Variants in PTK6 observed in about 807,000 individuals in gnomAD.
PTK6 encodes protein-tyrosine kinase 6.
PTK6 carries 47 observed loss-of-function variants against 47.5 expected under a neutral mutation model. The ratio of observed to expected loss-of-function variants is 0.99; its 90% CI spans 0.78 to 1.26. PTK6 has a LOEUF of 1.26. Among genes scored for constraint, PTK6 ranks in the 50% most tolerant of loss-of-function variants. PTK6 has a pLI of 0.00. For missense variants in PTK6, 618 were observed against 625.3 expected, an observed-to-expected ratio of 0.99 and a Z score of 0.12; for synonymous variants, 287 against 276.5, an observed-to-expected ratio of 1.04 and a Z score of -0.38.
At chr20:63,531,416 G>A (rs1263715754) in intron 5 of PTK6, among the ~76,000 whole-genome samples, 7 of 78,050 alleles carry the variant, frequency 9.0e-5, no homozygotes, top group African/African-American at 4.4e-4. Context: ...GCCAGACTCC[G>A]TCTCAAAAAA....
chr20:63,529,694 C>T lies in PTK6; in HGVS notation c.1198G>A (p.Val400Met). 1 of 1,546,592 alleles carries T rather than the reference C, an allele frequency of 6.5e-7. No individual in the cohort carries two copies. Residue 400 changes from valine (V) to methionine (M), a missense_variant, in exon 8 of 8, where the codon GTG (valine) becomes ATG (methionine). By Grantham distance (21) the Val-to-Met change is conservative. Transcript: ENST00000542869. The surrounding 1 kb of genome is among the most constrained non-coding windows in gnomAD (Gnocchi z 5.6). ...CAGGGCATGCGGTAGCCGGCGTCCA[C>T]CCTCAGGAAGGCCTCATGGTTGGAC... is the stretch of plus-strand genomic sequence containing the variant. ...GMSNHEAFLRVDAGYRMPCPL... is the reference protein window; with the variant it reads ...GMSNHEAFLRMDAGYRMPCPL...
Position 63,532,478 on chromosome 20 carries a change from C to T in PTK6, c.832+48G>A, listed in dbSNP as rs770431170. The T allele has an allele frequency of 8.3e-6, 13 of 1,564,392 alleles. 1 individual carries two copies. In the East Asian group the frequency reaches 2.3e-4, roughly 27 times the overall value. Reference sequence around the variant, plus strand: ...GGGGGGGGTGTGCACTTTATTTCCTCACGTGCCCCCGCTGCCTCCAGCAAG... The same window carrying T: ...GGGGGGGGTGTGCACTTTATTTCCTTACGTGCCCCCGCTGCCTCCAGCAAG... On this transcript the variant is annotated intron_variant, in intron 5 of 7. Coordinates refer to ENST00000542869, the MANE Select transcript of PTK6 (RefSeq NM_005975.4).
rs1308411338 is a variant in PTK6, at chr20:63,533,824, G to A, written c.517-120C>T. 2 of 1,378,574 alleles carry A rather than the reference G, an allele frequency of 1.5e-6. No homozygotes were observed. The highest frequency in any genetic ancestry group is 2.4e-5 in the East Asian group (1 of 41,568). The allele number at this position is 1,378,574 out of a possible 1,614,324, so 85.4% of individuals were successfully genotyped here. ...TAGGGCCACGATCAGCCTGGGTTGG[G>A]GGTTTCTGAGTGTCTGACACAAGGG... On this transcript the variant is annotated intron_variant, in intron 3 of 7. Transcript: ENST00000542869. This position sits in a 1 kb window ranked among gnomAD's most constrained non-coding sequence, Gnocchi z 4.0.
rs1408435820 is a variant in PTK6, at chr20:63,532,167, G to GTGTGTGTC, written c.832+358_832+359insGACACACA. 3.3e-3 allele frequency among the ~76,000 whole-genome samples: 482 copies of GTGTGTGTC among 145,458 alleles called. 1 individual carries two copies. The highest frequency in any genetic ancestry group is 0.013 in the African/African-American group (462 of 35,464). On this transcript the variant is annotated intron_variant, in intron 5 of 7. Transcript: ENST00000542869. ...TGTCTGGATCAGTGTGTGTCTGTGT[G>GTGTGTGTC]TGTGTGTGTCTGTGTGTGTCCGTGT... is the stretch of plus-strand genomic sequence containing the variant.
At chr20:63,532,456 G>T in intron 5 of PTK6, 70 bp downstream of exon 5, 2 of 1,514,522 alleles carry the variant, frequency 1.3e-6, no homozygotes, top group East Asian at 2.3e-5. Flanking sequence ...GACGTGGGGG[G>T]GGGGTGTGCA....
In PTK6 at chr20:63,536,266, G is replaced by A. The variant is rs866886912; in HGVS notation, c.230+819C>T. ...TGCACCTGGGAGCTGACCAGCCTCC[G>A]GCCAGACCCCACCCCTGCACCCCTG... is the stretch of plus-strand genomic sequence containing the variant. On this transcript the variant is annotated intron_variant, in intron 1 of 7. Transcript: ENST00000542869. Among the ~76,000 whole-genome samples, 19 of 130,894 alleles carry A rather than the reference G, an allele frequency of 1.5e-4. No individual in the cohort carries two copies. In the South Asian group the frequency reaches 2.2e-3, roughly 15 times the overall value. The allele number at this position is 130,894 out of a possible 152,430, so 85.9% of individuals were successfully genotyped here.
At position 63,529,968 on chromosome 20, in the gene PTK6, C is replaced by T. The variant is rs571732597; in HGVS notation, c.1168+110G>A. The stretch of plus-strand genomic sequence containing the variant: ...GGTGTGGAGTTCAGGCGATGGCCCG[C>T]GGAGGGCCCTGAAGCCCGTGGGGGA... On this transcript the variant is annotated intron_variant, in intron 7 of 7. Transcript: ENST00000542869. This position sits in a 1 kb window ranked among gnomAD's most constrained non-coding sequence, Gnocchi z 5.6. 153 of 1,374,492 alleles carry T rather than the reference C, an allele frequency of 1.1e-4. 1 individual carries two copies. The East Asian group carries it at 3.3e-3, about 29-fold the overall frequency. The allele number at this position is 1,374,492 out of a possible 1,614,324, so 85.1% of individuals were successfully genotyped here.
rs755034061 is a variant in PTK6 at position 63,532,592 on chromosome 20, C to A, written c.766G>T (p.Val256Leu). 1 of 1,614,084 alleles carries A rather than the reference C, an allele frequency of 6.2e-7. No individual in the cohort carries two copies. The highest frequency in any genetic ancestry group is 8.5e-7 in the Non-Finnish European group (1 of 1,180,014). ...GTGATGATGTACACGGGGTCCCCCA[C>A]GGACACCACGGCGTACAGCGCCAGG... is the stretch of plus-strand genomic sequence containing the variant. ...HILALYAVVS[V>L]GDPVYIITEL... Residue 256 changes from valine (V) to leucine (L), a missense_variant, in exon 5 of 8, where the codon GTG becomes TTG. Physicochemically the swap from Val to Leu is conservative, Grantham distance 32. Coordinates refer to ENST00000542869, the MANE Select transcript of PTK6 (RefSeq NM_005975.4).
In PTK6 at chr20:63,530,520, C is replaced by T. The variant is rs1429641367; in HGVS notation, c.1014+226G>A. On this transcript the variant is annotated intron_variant, in intron 6 of 7. Coordinates refer to ENST00000542869, the MANE Select transcript of PTK6 (RefSeq NM_005975.4). The surrounding 1 kb of genome is among the most constrained non-coding windows in gnomAD (Gnocchi z 4.1). The stretch of plus-strand genomic sequence containing the variant: ...CAGGGCTGGGCCAGTGAACAAGGCA[C>T]GTGAACAAGGCAGCGGCTGCGTGGT... 2.0e-5 allele frequency among the ~76,000 whole-genome samples: 3 copies of T among 152,164 alleles called. No homozygotes were observed. The highest frequency in any genetic ancestry group is 2.1e-4 in the South Asian group (1 of 4,826).
chr20:63,537,269 G>C lies in PTK6; in HGVS notation c.46C>G (p.Leu16Val). Residue 16 changes from leucine to valine, a missense_variant, in exon 1 of 8, where the codon CTC becomes GTC. Leu to Val is a conservative substitution (Grantham distance 32, BLOSUM62 1). Coordinates refer to ENST00000542869, the MANE Select transcript of PTK6 (RefSeq NM_005975.4). ...QAHLGPKYVG[L>V]WDFKSRTDEE... is the part of the protein sequence containing the mutation. ...TCCGTCCGGGACTTGAAGTCCCAGA[G>C]GCCCACATACTTGGGGCCCAGGTGA... 6.2e-7 allele frequency: 1 copy of C among 1,612,336 alleles called. No homozygotes were observed. Among genetic ancestry groups the C allele is most frequent in the Non-Finnish European group, 8.5e-7 (1 of 1,179,806 alleles).
chr20:63,533,272 T>G lies in PTK6; in HGVS notation c.670+279A>C, dbSNP rs991095245. On this transcript the variant is annotated intron_variant, in intron 4 of 7. Coordinates refer to ENST00000542869, the MANE Select transcript of PTK6 (RefSeq NM_005975.4). This position sits in a 1 kb window ranked among gnomAD's most constrained non-coding sequence, Gnocchi z 4.0. ...TAGTAGAGACGTGGTTTCCCCATGT[T>G]GGCCAGGCTGGTCTCAAACTCCTGA... Among the ~76,000 whole-genome samples, 4 of 152,196 alleles carry G rather than the reference T, an allele frequency of 2.6e-5. No individual in the cohort carries two copies. Among genetic ancestry groups the G allele is most frequent in the African/African-American group, 9.7e-5 (4 of 41,428 alleles).
chr20:63,537,092 A>G lies in PTK6; in HGVS notation c.223T>C (p.Ser75Pro). The G allele has an allele frequency of 1.2e-6, 2 of 1,608,314 alleles. No individual in the cohort carries two copies. Among genetic ancestry groups the G allele is most frequent in the East Asian group, 2.2e-5 (1 of 44,538 alleles). Residue 75 changes from serine (S) to proline (P), a missense_variant, in exon 1 of 8, where the codon TCG (serine) becomes CCG (proline). Transcript: ENST00000542869. ...GCAGCCTAGGACACGCACGGTTCCG[A>G]CTCCACCGTCTCCCTCTCGGCCAGG... ...NYLAERETVE[S>P]EPWFFGCISR...
In PTK6 at chr20:63,529,248, T is replaced by C. The variant is rs1409335287; in HGVS notation, c.*288A>G. The C allele has an allele frequency of 3.5e-6, 1 of 289,710 alleles. No homozygotes were observed. The highest frequency in any genetic ancestry group is 6.4e-6 in the Non-Finnish European group (1 of 155,588). The allele number at this position is 289,710 out of a possible 1,614,324, so 17.9% of individuals were successfully genotyped here. On this transcript the variant is annotated 3_prime_UTR_variant, in exon 8 of 8. Coordinates refer to ENST00000542869, the MANE Select transcript of PTK6 (RefSeq NM_005975.4). This position sits in a 1 kb window ranked among gnomAD's most constrained non-coding sequence, Gnocchi z 5.6. ...AGACAGACAGCCAGAGAGCGGGCTG[T>C]GGTCAGAGTCCCCTCTGACCTCTGC...
Position 63,533,427 on chromosome 20 carries a change from C to T in PTK6, c.670+124G>A. The T allele has an allele frequency of 8.6e-7, 1 of 1,160,148 alleles. No homozygotes were observed. Among genetic ancestry groups the T allele is most frequent in the Non-Finnish European group, 1.2e-6 (1 of 858,150 alleles). The allele number at this position is 1,160,148 out of a possible 1,614,324, so 71.9% of individuals were successfully genotyped here. A position where few individuals can be genotyped will look rare whatever the true frequency, so the allele number is the denominator to read the frequency against. On this transcript the variant is annotated intron_variant, in intron 4 of 7. Coordinates refer to ENST00000542869, the MANE Select transcript of PTK6 (RefSeq NM_005975.4). This position sits in a 1 kb window ranked among gnomAD's most constrained non-coding sequence, Gnocchi z 4.0. ...AACATAGGTGCAATTGAAAGGGAAC[C>T]ACTCTCGCATGGACGCTGTGGGTGC...
chr20:63,533,507 G>A lies in PTK6; in HGVS notation c.670+44C>T. The A allele has an allele frequency of 6.5e-7, 1 of 1,533,994 alleles. No homozygotes were observed. Among genetic ancestry groups the A allele is most frequent in the South Asian group, 1.3e-5 (1 of 79,508 alleles). On this transcript the variant is annotated intron_variant, in intron 4 of 7. Transcript: ENST00000542869. The surrounding 1 kb of genome is among the most constrained non-coding windows in gnomAD (Gnocchi z 4.0). Reference sequence around the variant, plus strand: ...TTGGCGGGGTGGGAGGGTGGCCCAGGGCAGGCACGGGGCCACACAGAGCCC... The same window carrying A: ...TTGGCGGGGTGGGAGGGTGGCCCAGAGCAGGCACGGGGCCACACAGAGCCC...
intron 2 of PTK6, 144 bp from the exon 3 acceptor site, chr20:63,534,459 C>T (rs2082648992): frequency 1.8e-6 from 2 of 1,115,876 alleles, no homozygotes; most frequent in Admixed American, 5.5e-5. Flanking sequence ...TGCCTCCCCT[C>T]CCTCAGAACG....
rs368004687 is a variant in PTK6 at position 63,537,110 on chromosome 20, C to T, written c.205G>A (p.Glu69Lys). ...GGTTCCGACTCCACCGTCTCCCTCTCGGCCAGGTAGTTGTGGGGCACATAG... is the reference window on the plus strand; with the variant it reads ...GGTTCCGACTCCACCGTCTCCCTCTTGGCCAGGTAGTTGTGGGGCACATAG... The part of the protein sequence containing the change: ...QGYVPHNYLA[E>K]RETVESEPWF... The change falls in exon 1 of 8, where the codon GAG becomes AAG. Residue 69 changes from glutamate to lysine, a missense_variant. Coordinates refer to ENST00000542869, the MANE Select transcript of PTK6 (RefSeq NM_005975.4). 1.3e-4 allele frequency: 204 copies of T among 1,610,396 alleles called. 1 individual carries two copies. The East Asian group carries it at 3.6e-3, about 28-fold the overall frequency.
Position 63,530,259 on chromosome 20 carries a change from C to T in PTK6, c.1015-28G>A, listed in dbSNP as rs190482091. 5.9e-5 allele frequency: 95 copies of T among 1,609,864 alleles called. No individual in the cohort carries two copies. The highest frequency in any genetic ancestry group is 7.9e-5 in the Non-Finnish European group (93 of 1,177,050). ...GCAATCAGCCTGGAGCTGAGTGGGC[C>T]GTGGGGGCTGCCTGTGCCCTGCCCC... On this transcript the variant is annotated intron_variant, in intron 6 of 7. Coordinates refer to ENST00000542869, the MANE Select transcript of PTK6 (RefSeq NM_005975.4). The surrounding 1 kb of genome is among the most constrained non-coding windows in gnomAD (Gnocchi z 4.1).
chr20:63,535,103 C>T (rs1222198016), intron 1 of PTK6, 44 bp from the exon 2 acceptor site: 3 of 1,547,878 alleles, frequency 1.9e-6, no homozygotes, highest in East Asian at 4.6e-5. Flanking sequence ...GGGCCCACCC[C>T]ACGTGGACCC....
Sources: allele counts gnomAD v4.1 joint callset (sites outside exome capture counted in the v4.1 genomes callset), GRCh38; gene constraint gnomAD v4.1.1; non-coding constraint Gnocchi (gnomAD v3.1); transcripts MANE v1.5; gene names NCBI Gene and HGNC (gene_info 2026-07-23, HGNC 2026-07-21).